Variants in LHFPL3 observed in about 807,000 individuals in gnomAD.
The protein encoded by LHFPL3 is LHFPL tetraspan subfamily member 3.
A neutral mutation model predicts 19.3 loss-of-function variants in LHFPL3; 5 were observed. The observed-to-expected ratio is 0.26, with a 90% CI of 0.14 to 0.54. LHFPL3 has a LOEUF of 0.54. LHFPL3 is among the 20% of genes least tolerant of loss of function. The pLI is 0.94. For missense variants in LHFPL3, 249 were observed against 307.4 expected (o/e 0.81, Z 1.42); for synonymous variants, 133 against 126.2 (o/e 1.05, Z -0.36).
chr7:104,633,194 C>G (rs991338126), intron 1 of LHFPL3, among the ~76,000 whole-genome samples: 18 of 152,186 alleles, frequency 1.2e-4, no homozygotes, highest in Admixed American at 1.1e-3. Context: ...TATTCAGTTT[C>G]TCAATGTCAG....
intron 1 of LHFPL3, among the ~76,000 whole-genome samples, chr7:104,541,429 C>G (rs1476228406): frequency 2.0e-5 from 3 of 152,136 alleles, no homozygotes; most frequent in Non-Finnish European, 4.4e-5. Context: ...ATCATTGTGT[C>G]TGAACAATGA....
At chr7:104,468,631 C>A (rs1401322379) in intron 1 of LHFPL3, among the ~76,000 whole-genome samples, 1 of 151,474 alleles carries the variant, frequency 6.6e-6, no homozygotes, top group Non-Finnish European at 1.5e-5. Flanking sequence ...TGACAAATTT[C>A]CCAAAGTAGA....
At chr7:104,873,925 C>T (rs928225222) in intron 2 of LHFPL3, among the ~76,000 whole-genome samples, 2 of 152,174 alleles carry the variant, frequency 1.3e-5, no homozygotes, top group Admixed American at 6.5e-5. Context: ...GCTTTTATGG[C>T]AGAAATGGTG....
intron 1 of LHFPL3, among the ~76,000 whole-genome samples, chr7:104,545,712 T>A (rs1461993172): frequency 1.3e-5 from 2 of 152,208 alleles, no homozygotes; most frequent in African/African-American, 4.8e-5. Context: ...TCTAGCCATT[T>A]TCATCCTTCA....
chr7:104,751,561 CCCATCAATCCA>C (rs1584514613), intron 2 of LHFPL3, among the ~76,000 whole-genome samples: 1 of 146,950 alleles, frequency 6.8e-6, no homozygotes, highest in African/African-American at 2.5e-5. Context: ...GTTCTTGAAC[CCCATCAATCCA>C]CCAAGTCTTA....
At position 104,399,451 on chromosome 7, in the gene LHFPL3, GT is replaced by G. The variant is rs966127872; in HGVS notation, c.445+70235del. Among the ~76,000 whole-genome samples, 2 of 150,842 alleles carry G rather than the reference GT, an allele frequency of 1.3e-5. No individual in the cohort carries two copies. The highest frequency in any genetic ancestry group is 4.9e-5 in the African/African-American group (2 of 40,956). ...TCTTCTGTTTTTTTTTGTTTTTTAG[GT>G]TTTTTTTGTTTGTTTGTTTGAGATG... On this transcript the variant is annotated intron_variant, in intron 1 of 2. Coordinates refer to ENST00000424859, the MANE Select transcript of LHFPL3 (RefSeq NM_199000.3). This position sits in a 1 kb window ranked among gnomAD's most constrained non-coding sequence, Gnocchi z 4.4.
intron 1 of LHFPL3, among the ~76,000 whole-genome samples, chr7:104,392,445 A>G (rs548179382): frequency 7.3e-5 from 11 of 151,510 alleles, no homozygotes; most frequent in African/African-American, 2.7e-4. Flanking sequence ...TGAGATAATC[A>G]TGTGGTTTTT....
chr7:104,488,090 A>G (rs1271341940), intron 1 of LHFPL3, among the ~76,000 whole-genome samples: 2 of 152,180 alleles, frequency 1.3e-5, no homozygotes, highest in East Asian at 3.9e-4. Context: ...TCTACTGGCA[A>G]TGGGACTCTT....
intron 2 of LHFPL3, chr7:104,895,009 A>C (rs764523115): frequency 2.8e-4 from 42 of 152,148 alleles, no homozygotes; most frequent in Admixed American, 1.2e-3. Flanking sequence ...TGGAACCTGC[A>C]TATTCCCAAA....
At chr7:104,469,707 C>T (rs753979979) in intron 1 of LHFPL3, among the ~76,000 whole-genome samples, 4 of 151,990 alleles carry the variant, frequency 2.6e-5, no homozygotes, top group South Asian at 2.1e-4. Flanking sequence ...ATTCTGTTTC[C>T]GAATAACAAA....
chr7:104,702,081 G>C (rs1207140145), intron 1 of LHFPL3, among the ~76,000 whole-genome samples: 1 of 151,512 alleles, frequency 6.6e-6, no homozygotes, highest in Admixed American at 6.6e-5. Context: ...CTGTGTCCAT[G>C]TATTCTCATT....
At chr7:104,415,770 T>C (rs1382066759) in intron 1 of LHFPL3, among the ~76,000 whole-genome samples, 3 of 152,144 alleles carry the variant, frequency 2.0e-5, no homozygotes, top group African/African-American at 7.2e-5. Flanking sequence ...CCAATTTCAG[T>C]AGCAAAAAAA....
At chr7:104,459,629 C>T (rs1792618304) in intron 1 of LHFPL3, among the ~76,000 whole-genome samples, 1 of 152,154 alleles carries the variant, frequency 6.6e-6, no homozygotes, top group Admixed American at 6.5e-5. Flanking sequence ...ATCACTCAAG[C>T]AATAGTCAGA....
chr7:104,503,657 C>T (rs1793643098), intron 1 of LHFPL3, among the ~76,000 whole-genome samples: 1 of 152,124 alleles, frequency 6.6e-6, no homozygotes, highest in Non-Finnish European at 1.5e-5. Flanking sequence ...GCAGCCTCCA[C>T]CTCCAGGGTT....
chr7:104,834,813 AG>A (rs1289904471), intron 2 of LHFPL3, among the ~76,000 whole-genome samples: 1 of 152,004 alleles, frequency 6.6e-6, no homozygotes, highest in Non-Finnish European at 1.5e-5. Context: ...TTCCTTTAAT[AG>A]TACTCTATAG....
At chr7:104,868,772 A>T (rs1241959940) in intron 2 of LHFPL3, among the ~76,000 whole-genome samples, 2 of 152,224 alleles carry the variant, frequency 1.3e-5, no homozygotes, top group Non-Finnish European at 2.9e-5. Flanking sequence ...TGCCAAGTCA[A>T]TCCTAACCCA....
intron 1 of LHFPL3, among the ~76,000 whole-genome samples, chr7:104,465,226 C>T (rs1489238869): frequency 6.6e-6 from 1 of 151,866 alleles, no homozygotes; most frequent in African/African-American, 2.4e-5. Flanking sequence ...GTCCATATCA[C>T]CATATGGACT....
intron 1 of LHFPL3, among the ~76,000 whole-genome samples, chr7:104,493,108 C>G (rs1253761763): frequency 1.3e-5 from 2 of 152,174 alleles, no homozygotes; most frequent in South Asian, 2.1e-4. Context: ...CATTTCACTA[C>G]TGTTCCTGCA....
intron 1 of LHFPL3, among the ~76,000 whole-genome samples, chr7:104,732,087 G>T (rs1468477797): frequency 2.6e-5 from 4 of 152,132 alleles, no homozygotes; most frequent in African/African-American, 9.7e-5. Flanking sequence ...CTTGATCATG[G>T]TGGATAAGCT....
Sources: allele counts gnomAD v4.1 joint callset (sites outside exome capture counted in the v4.1 genomes callset), GRCh38; gene constraint gnomAD v4.1.1; non-coding constraint Gnocchi (gnomAD v3.1); transcripts MANE v1.5; gene names NCBI Gene and HGNC (gene_info 2026-07-23, HGNC 2026-07-21).